MIS18A: variants seen among roughly 807,000 people sequenced by gnomAD.
MIS18A encodes protein Mis18-alpha.
Under a neutral mutation model 25.0 loss-of-function variants are expected in MIS18A, and 14 were observed. That is an observed-to-expected ratio of 0.56 (90% CI 0.37 to 0.88). The LOEUF (loss-of-function observed/expected upper bound fraction) is 0.88. Among genes scored for constraint, MIS18A ranks in the 40% least tolerant of loss-of-function variants. The pLI is 0.00. For missense variants in MIS18A, 292 were observed against 290.8 expected (o/e 1.00, Z -0.03); for synonymous variants, 134 against 118.6 (o/e 1.13, Z -0.84).
rs769542676 is a variant in MIS18A, at chr21:32,269,058, G to A, written c.681C>T (p.Ser227=). Residue 227 remains serine, a synonymous_variant, in exon 5 of 5, where the codon TCC becomes TCT. Transcript: ENST00000290130. ...MKLWEAESKL[S]FATCKS is the part of the protein sequence containing the mutation. ...GAGTTCAGCTTTTACAAGTGGCAAA[G>A]GACAATTTGGATTCGGCCTCCCACA... 1 of 1,604,298 alleles carries A rather than the reference G, an allele frequency of 6.2e-7. No homozygotes were observed. The highest frequency in any genetic ancestry group is 8.5e-7 in the Non-Finnish European group (1 of 1,174,062).
At chr21:32,258,833 A>G in the MIS18A span, among the ~76,000 whole-genome samples, 3 of 145,768 alleles carry the variant, frequency 2.1e-5, no homozygotes, top group Admixed American at 1.4e-4. Flanking sequence ...GAGGGTCTGC[A>G]TTTTATTTAT....
the MIS18A span, among the ~76,000 whole-genome samples, chr21:32,224,451 TA>T: frequency 5.2e-4 from 78 of 151,170 alleles, no homozygotes; most frequent in African/African-American, 1.8e-3. Flanking sequence ...AAAATCAATG[TA>T]AAAAAATCAC....
the MIS18A span, among the ~76,000 whole-genome samples, chr21:32,211,886 A>C: frequency 6.6e-6 from 1 of 152,172 alleles, no homozygotes; most frequent in South Asian, 2.1e-4. Flanking sequence ...TCAGAGACTA[A>C]ATATCTAAAA....
In MIS18A at chr21:32,269,743, A is replaced by G. The variant is rs147334263; in HGVS notation, c.585T>C (p.Leu195=). ...IVSEDKELFN[L]ESRVEIEKSL... ...ACTTTTCTATTTCAACTCTGCTTTC[A>G]AGATTAAAAAGCTCTTTATCTTCTG... Residue 195 remains leucine (L), a synonymous_variant, in exon 4 of 5, where the codon CTT becomes CTC. Coordinates refer to ENST00000290130, the MANE Select transcript of MIS18A (RefSeq NM_018944.3). 2.3e-4 allele frequency: 372 copies of G among 1,610,582 alleles called. No individual in the cohort carries two copies. Among genetic ancestry groups the G allele is most frequent in the Non-Finnish European group, 2.9e-4 (346 of 1,176,872 alleles).
chr21:32,186,709 A>G, the MIS18A span, among the ~76,000 whole-genome samples: 1 of 152,176 alleles, frequency 6.6e-6, no homozygotes, highest in Non-Finnish European at 1.5e-5. Context: ...TCTTTAAACA[A>G]AGTACCATTC....
At chr21:32,161,699 C>T in the MIS18A span, among the ~76,000 whole-genome samples, 2 of 145,416 alleles carry the variant, frequency 1.4e-5, no homozygotes, top group East Asian at 4.0e-4. Context: ...ACCATGTTGC[C>T]CAGGCTGATC....
chr21:32,239,437 T>C, the MIS18A span, among the ~76,000 whole-genome samples: 1 of 152,212 alleles, frequency 6.6e-6, no homozygotes, highest in African/African-American at 2.4e-5. Flanking sequence ...CTGATACTGA[T>C]AAGGTTTGAC....
chr21:32,255,682 G>A, the MIS18A span, among the ~76,000 whole-genome samples: 14 of 151,772 alleles, frequency 9.2e-5, no homozygotes, highest in African/African-American at 3.1e-4. Flanking sequence ...GAGGTCAGTA[G>A]ATCGAGACCA....
In MIS18A at chr21:32,278,952, G is replaced by C; in HGVS notation, c.63C>G (p.Asp21Glu). ...GCGAGGAGTCGCTGCATTTGCCCTTGTCGCCGCACTCACAGCCGCCAGCGC... is the reference window on the plus strand; with the variant it reads ...GCGAGGAGTCGCTGCATTTGCCCTTCTCGCCGCACTCACAGCCGCCAGCGC... The part of the protein sequence containing the change: ...RGCAGGCECG[D>E]KGKCSDSSLL... The change falls in exon 1 of 5, where the codon GAC becomes GAG. Residue 21 changes from aspartate (D) to glutamate (E), a missense_variant. Coordinates refer to ENST00000290130, the MANE Select transcript of MIS18A (RefSeq NM_018944.3). 1 of 1,612,960 alleles carries C rather than the reference G, an allele frequency of 6.2e-7. No homozygotes were observed. The highest frequency in any genetic ancestry group is 1.1e-5 in the South Asian group (1 of 91,084).
the MIS18A span, among the ~76,000 whole-genome samples, chr21:32,170,630 T>C: frequency 2.0e-5 from 3 of 152,168 alleles, no homozygotes; most frequent in Admixed American, 1.3e-4. Context: ...CATAGCCTCA[T>C]AGACTTGTAG....
the MIS18A span, among the ~76,000 whole-genome samples, chr21:32,235,321 G>A: frequency 1.3e-5 from 2 of 152,180 alleles, no homozygotes; most frequent in Admixed American, 1.3e-4. Flanking sequence ...ACAACTCTGA[G>A]GTGTGATTTA....
the MIS18A span, among the ~76,000 whole-genome samples, chr21:32,192,764 C>G: frequency 1.3e-5 from 2 of 152,214 alleles, no homozygotes. Flanking sequence ...TCCAAACAAC[C>G]AAGCGTGGCT....
At chr21:32,265,263 T>C (rs112200275), downstream of MIS18A, among the ~76,000 whole-genome samples, 79 of 152,288 alleles carry the variant, frequency 5.2e-4, no homozygotes, top group African/African-American at 1.8e-3. Flanking sequence ...CCCACTGCAC[T>C]GTGGGAGCCC....
At chr21:32,177,350 A>C in the MIS18A span, among the ~76,000 whole-genome samples, 1 of 152,170 alleles carries the variant, frequency 6.6e-6, no homozygotes, top group Admixed American at 6.5e-5. Flanking sequence ...ATCAAATATG[A>C]TACTGATGAT....
the MIS18A span, among the ~76,000 whole-genome samples, chr21:32,168,760 A>T: frequency 2.0e-5 from 3 of 152,214 alleles, no homozygotes; most frequent in Admixed American, 2.0e-4. Flanking sequence ...ATAAGCTAGC[A>T]TTGGGAAAAA....
At chr21:32,230,646 T>A in the MIS18A span, among the ~76,000 whole-genome samples, 4 of 152,174 alleles carry the variant, frequency 2.6e-5, no homozygotes, top group African/African-American at 9.7e-5. Flanking sequence ...AAAAAGAATA[T>A]TATTTTCAAC....
the MIS18A span, among the ~76,000 whole-genome samples, chr21:32,253,947 G>A: frequency 1.3e-5 from 2 of 152,200 alleles, no homozygotes; most frequent in Non-Finnish European, 2.9e-5. Context: ...CCCTATAGAA[G>A]TAAATTGCTG....
downstream of MIS18A, among the ~76,000 whole-genome samples, chr21:32,266,228 ACT>A (rs1452833288): frequency 1.3e-5 from 2 of 151,922 alleles, no homozygotes; most frequent in East Asian, 1.9e-4. Flanking sequence ...GTGTGTGGAA[ACT>A]CTGTATCTAA....
the MIS18A span, chr21:32,261,415 G>A: frequency 1.8e-4 from 27 of 152,334 alleles, no homozygotes; most frequent in Admixed American, 1.3e-3. Context: ...GCAGTTCAGC[G>A]AGGTGCCTGG....
Sources: gnomAD v4.1 joint callset for allele counts (sites outside exome capture counted in the v4.1 genomes callset) on GRCh38, gnomAD v4.1.1 for gene constraint, MANE v1.5 for transcripts, NCBI Gene and HGNC (gene_info 2026-07-23, HGNC 2026-07-21) for gene names.